Variants in DLGAP4 observed in about 807,000 individuals in gnomAD.
DLGAP4 encodes DLG associated protein 4, also known as disks large-associated protein 4.
DLGAP4 carries 18 observed loss-of-function variants against 86.9 expected under a neutral mutation model. That is an observed-to-expected ratio of 0.21 (90% CI 0.14 to 0.31). The LOEUF is 0.31. Ranked by LOEUF, DLGAP4 falls within the 10% of genes least tolerant of loss-of-function variation. DLGAP4 has a pLI of 1.00. For missense variants in DLGAP4, 1,085 were observed against 1,362.6 expected, an observed-to-expected ratio of 0.80 and a Z score of 3.21; for synonymous variants, 548 against 574.3, an observed-to-expected ratio of 0.95 and a Z score of 0.65.
At chr20:36,386,640 A>T (rs1351331300) in intron 2 of DLGAP4, among the ~76,000 whole-genome samples, 1 of 152,182 alleles carries the variant, frequency 6.6e-6, no homozygotes, top group Admixed American at 6.5e-5. Flanking sequence ...ACTAGAGTGC[A>T]GTGGTGCAAT....
In DLGAP4 at chr20:36,379,320, C is replaced by T. The variant is rs556168167; in HGVS notation, c.-73+12045C>T. Reference sequence around the variant, plus strand: ...AGAAAGACTATTCTGGTGGTGGGTGCGGGATCCTGTCAGGGGGAAGAGATG... The same window carrying T: ...AGAAAGACTATTCTGGTGGTGGGTGTGGGATCCTGTCAGGGGGAAGAGATG... On this transcript the variant is annotated intron_variant, in intron 2 of 12. Coordinates refer to ENST00000339266, the MANE Select transcript of DLGAP4 (RefSeq NM_001365621.2). 4.3e-4 allele frequency among the ~76,000 whole-genome samples: 65 copies of T among 152,144 alleles called. 1 individual carries two copies. Among genetic ancestry groups the T allele is most frequent in the Admixed American group, 8.5e-4 (13 of 15,276 alleles).
At chr20:36,491,712 T>C (rs2035670795) in intron 7 of DLGAP4, among the ~76,000 whole-genome samples, 1 of 152,164 alleles carries the variant, frequency 6.6e-6, no homozygotes, top group Non-Finnish European at 1.5e-5. Context: ...CAAAAAGGGC[T>C]CAGGTTTGGG....
intron 5 of DLGAP4, among the ~76,000 whole-genome samples, chr20:36,441,256 G>A (rs537993801): frequency 2.2e-4 from 34 of 152,122 alleles, no homozygotes; most frequent in Non-Finnish European, 4.6e-4. Context: ...CAGCCATGCC[G>A]GCCTCCTTTC....
chr20:36,413,639 T>C (rs1600498688), intron 2 of DLGAP4, among the ~76,000 whole-genome samples: 1 of 151,206 alleles, frequency 6.6e-6, no homozygotes, highest in Admixed American at 6.6e-5. Context: ...CAGGATGGTC[T>C]TGAGCTCCTG....
At chr20:36,319,401 T>G (rs1337592621) in intron 1 of DLGAP4, among the ~76,000 whole-genome samples, 2 of 152,168 alleles carry the variant, frequency 1.3e-5, no homozygotes, top group Admixed American at 1.3e-4. Context: ...GTTCAAGGAC[T>G]GAGGACAGAG....
intron 1 of DLGAP4, among the ~76,000 whole-genome samples, chr20:36,341,531 C>G (rs1436019473): frequency 6.6e-6 from 1 of 152,220 alleles, no homozygotes; most frequent in Non-Finnish European, 1.5e-5. Flanking sequence ...CCCGCAGTAA[C>G]CCTTTGAGAG....
At position 36,439,776 on chromosome 20, in the gene DLGAP4, G is replaced by C. The variant is rs1286249694; in HGVS notation, c.1264G>C (p.Val422Leu). 6.2e-7 allele frequency: 1 copy of C among 1,613,756 alleles called. No individual in the cohort carries two copies. Among genetic ancestry groups the C allele is most frequent in the African/African-American group, 1.3e-5 (1 of 75,068 alleles). The change falls in exon 5 of 13, where the codon GTG (valine) becomes CTG (leucine). Residue 422 changes from valine to leucine, a missense_variant. Physicochemically the swap from Val to Leu is conservative, Grantham distance 32. Around this residue, in one of 2 missense-constraint regions of DLGAP4, gnomAD observed 1,082 missense variants for 1,344.1 expected, o/e 0.81. Coordinates refer to ENST00000339266, the MANE Select transcript of DLGAP4 (RefSeq NM_001365621.2). ...CAGGAGTCTGGACCGCCTGGATTCA[G>C]TGGACATGCTGCTGCCCTCCAAGTG... Reference protein sequence around the residue: ...PRRSLDRLDSVDMLLPSKCPS... With the variant: ...PRRSLDRLDSLDMLLPSKCPS...
Position 36,393,588 on chromosome 20 carries a change from C to T in DLGAP4, c.-73+26313C>T, listed in dbSNP as rs1219436486. Among the ~76,000 whole-genome samples, 1 of 152,102 alleles carries T rather than the reference C, an allele frequency of 6.6e-6. No homozygotes were observed. The highest frequency in any genetic ancestry group is 2.4e-5 in the African/African-American group (1 of 41,400). The stretch of plus-strand genomic sequence containing the variant: ...GGGGAGCACAGGGAAGCGAGCCAGC[C>T]GCTGTGGAGACTGACCCAGGCCAGA... On this transcript the variant is annotated intron_variant, in intron 2 of 12. Coordinates refer to ENST00000339266, the MANE Select transcript of DLGAP4 (RefSeq NM_001365621.2). The surrounding 1 kb of genome is among the most constrained non-coding windows in gnomAD (Gnocchi z 4.4).
rs952819287 is a variant in DLGAP4 at position 36,306,699 on chromosome 20, G to C, written c.-304+187G>C. ...CTTCCGATCCCGGGTCCGAGGGGCC[G>C]GCTGTGCGGCTGGGAAGCGCCTTCT... On this transcript the variant is annotated intron_variant, in intron 1 of 12. Transcript: ENST00000339266. This position sits in a 1 kb window ranked among gnomAD's most constrained non-coding sequence, Gnocchi z 4.9. 2.0e-5 allele frequency among the ~76,000 whole-genome samples: 3 copies of C among 152,230 alleles called. No individual in the cohort carries two copies. The highest frequency in any genetic ancestry group is 4.4e-5 in the Non-Finnish European group (3 of 67,984).
intron 11 of DLGAP4, chr20:36,525,520 C>T (rs2037697429): frequency 2.6e-6 from 1 of 382,334 alleles, no homozygotes; most frequent in Non-Finnish European, 4.9e-6. Context: ...AATCGGGCTT[C>T]TCTCGGTGTC....
chr20:36,356,675 TAAAAAAAAAA>T, intron 1 of DLGAP4, among the ~76,000 whole-genome samples: 1 of 128,768 alleles, frequency 7.8e-6, no homozygotes, highest in Middle Eastern at 4.1e-3. Flanking sequence ...CCTGTTTTTG[TAAAAAAAAAA>T]AAAAAAAAGT....
chr20:36,421,967 G>A (rs939800563), intron 2 of DLGAP4, among the ~76,000 whole-genome samples: 8 of 152,102 alleles, frequency 5.3e-5, no homozygotes, highest in African/African-American at 1.4e-4. Context: ...AGAGCAAGGC[G>A]GAGAGCACCC....
chr20:36,486,666 A>G (rs1335904961), intron 7 of DLGAP4, among the ~76,000 whole-genome samples: 3 of 149,968 alleles, frequency 2.0e-5, no homozygotes, highest in Non-Finnish European at 4.4e-5. Flanking sequence ...GCTGGAGTGT[A>G]GTGGCGCAAT....
Position 36,480,409 on chromosome 20 carries a change from G to A in DLGAP4, c.1649-16296G>A, listed in dbSNP as rs578246657. ...CGCTGTTTGTTGATAACAATTCTCC[G>A]GAGGTAGGGGGGTAAAAAAGACCAG... On this transcript the variant is annotated intron_variant, in intron 7 of 12. Coordinates refer to ENST00000339266, the MANE Select transcript of DLGAP4 (RefSeq NM_001365621.2). Among the ~76,000 whole-genome samples the A allele has an allele frequency of 1.2e-4, 18 of 152,262 alleles. No homozygotes were observed. The East Asian group carries it at 2.3e-3, about 20-fold the overall frequency.
At chr20:36,425,732 A>T (rs1194357180) in intron 2 of DLGAP4, among the ~76,000 whole-genome samples, 1 of 152,154 alleles carries the variant, frequency 6.6e-6, no homozygotes, top group Non-Finnish European at 1.5e-5. Context: ...GAGGCAGGAG[A>T]ATCACTTGAA....
At chr20:36,320,997 A>G (rs1294928485) in intron 1 of DLGAP4, among the ~76,000 whole-genome samples, 2 of 152,190 alleles carry the variant, frequency 1.3e-5, no homozygotes, top group Non-Finnish European at 2.9e-5. Context: ...GCTGCGGGCC[A>G]GGTCCTTGCT....
intron 11 of DLGAP4, 138 bp downstream of exon 11, chr20:36,524,479 TG>T (rs772599926): frequency 3.0e-6 from 2 of 674,796 alleles, no homozygotes. Context: ...GGAAGGACAG[TG>T]GCAATGTGTG....
chr20:36,378,570 C>T (rs577937656), intron 2 of DLGAP4, among the ~76,000 whole-genome samples: 1 of 152,198 alleles, frequency 6.6e-6, no homozygotes, highest in African/African-American at 2.4e-5. Flanking sequence ...GCAGAGGCTG[C>T]CACATCCAGG....
At chr20:36,518,220 C>T (rs1307730427) in intron 10 of DLGAP4, among the ~76,000 whole-genome samples, 5 of 148,656 alleles carry the variant, frequency 3.4e-5, no homozygotes, top group East Asian at 1.9e-4. Flanking sequence ...AGACAAGACT[C>T]GGTCTCAAAA....
Sources: gnomAD v4.1 joint callset for allele counts (sites outside exome capture counted in the v4.1 genomes callset) on GRCh38, gnomAD v4.1.1 for gene constraint, gnomAD v4.1.1 regional missense constraint, Gnocchi (gnomAD v3.1) non-coding constraint, MANE v1.5 for transcripts, NCBI Gene and HGNC (gene_info 2026-07-23, HGNC 2026-07-21) for gene names.